TRH: variants seen among roughly 807,000 people sequenced by gnomAD.
TRH encodes the protein TSH-releasing factor.
In TRH, 5 loss-of-function variants were observed where a neutral mutation model predicts 5.2. That is an observed-to-expected ratio of 0.95 (90% CI 0.50 to 2.00). TRH has a LOEUF of 2.00. Among genes scored for constraint, TRH ranks in the 30% most tolerant of loss-of-function variants. The pLI, the probability that TRH is intolerant of heterozygous loss-of-function variation, is 0.01. For missense variants in TRH, 318 were observed against 312.8 expected, an observed-to-expected ratio of 1.02 and a Z score of -0.13; for synonymous variants, 131 against 128.6, an observed-to-expected ratio of 1.02 and a Z score of -0.13.
At position 129,975,794 on chromosome 3, in the gene TRH, T is replaced by C. The variant is rs965742867; in HGVS notation, c.-8-15T>C. ...TGATTCGGTGCGCTCAGGCTCCCTC[T>C]GTCCCCTAACCCAGACGCCGCGATG... On this transcript the variant is annotated splice_polypyrimidine_tract_variant and intron_variant, in intron 1 of 2. Transcript: ENST00000302649. The C allele has an allele frequency of 2.5e-6, 4 of 1,588,980 alleles. No individual in the cohort carries two copies. The highest frequency in any genetic ancestry group is 1.1e-5 in the South Asian group (1 of 87,692).
chr3:129,977,157 G>T lies in TRH; in HGVS notation c.670G>T (p.Glu224Ter). The T allele has an allele frequency of 6.6e-7, 1 of 1,517,154 alleles. No individual in the cohort carries two copies. Among genetic ancestry groups the T allele is most frequent in the Non-Finnish European group, 8.8e-7 (1 of 1,136,098 alleles). 94.0% of individuals were successfully genotyped at this position (1,517,154 alleles called of 1,614,324 possible). Residue 224 changes from glutamate (E) to a stop codon, truncating the protein, a stop_gained, in exon 3 of 3, where the codon GAA (glutamate) becomes TAA (stop). Transcript: ENST00000302649. LOFTEE classifies it high-confidence loss of function. Reference sequence around the variant, plus strand: ...CCTGAGTAGGAGCCAGGGAGCTGAGGAAAAGCGGCAGCACCCTGGTCGGCG... The same window carrying T: ...CCTGAGTAGGAGCCAGGGAGCTGAGTAAAAGCGGCAGCACCCTGGTCGGCG... ...DDLSRSQGAE[E>*]KRQHPGRRAA...
chr3:129,977,429 T>C lies in TRH; in HGVS notation c.*213T>C. 1.9e-6 allele frequency: 1 copy of C among 516,796 alleles called. No homozygotes were observed. Among genetic ancestry groups the C allele is most frequent in the South Asian group, 6.7e-5 (1 of 14,942 alleles). 32.0% of individuals were successfully genotyped at this position (516,796 alleles called of 1,614,324 possible). On this transcript the variant is annotated 3_prime_UTR_variant, in exon 3 of 3. Coordinates refer to ENST00000302649, the MANE Select transcript of TRH (RefSeq NM_007117.5). ...ATCAGCCTAGCAGTTTAAACCCCAC[T>C]TTCCTCCACTTAGCACCATAGGCAA...
At chr3:129,976,326 C>T (rs1049490232) in intron 2 of TRH, among the ~76,000 whole-genome samples, 3 of 152,270 alleles carry the variant, frequency 2.0e-5, no homozygotes, top group African/African-American at 7.2e-5. Context: ...TGTCTAGGCA[C>T]TTCTGTGCCA....
In TRH at chr3:129,977,696, TCTC is replaced by T. The variant is rs1488997369; in HGVS notation, c.*483_*485del. 1 of 153,448 alleles carries T rather than the reference TCTC, an allele frequency of 6.5e-6. No homozygotes were observed. The highest frequency in any genetic ancestry group is 1.9e-4 in the East Asian group (1 of 5,190). The allele number at this position is 153,448 out of a possible 1,614,324, so 9.5% of individuals were successfully genotyped here. ...ACTTCACCCCCAGGACCCAGGATCT[TCTC>T]CTTTCTGGGCATCCCTTTGTGGGTG... On this transcript the variant is annotated 3_prime_UTR_variant, in exon 3 of 3. Coordinates refer to ENST00000302649, the MANE Select transcript of TRH (RefSeq NM_007117.5).
At chr3:129,976,358 A>T (rs1012130856) in intron 2 of TRH, among the ~76,000 whole-genome samples, 4 of 152,226 alleles carry the variant, frequency 2.6e-5, no homozygotes, top group African/African-American at 9.6e-5. Flanking sequence ...AAGCACTTCA[A>T]ACACCTTATC....
Position 129,975,912 on chromosome 3 carries a change from G to A in TRH, c.96G>A (p.Glu32=). 1.2e-6 allele frequency: 2 copies of A among 1,613,490 alleles called. No individual in the cohort carries two copies. Among genetic ancestry groups the A allele is most frequent in the Non-Finnish European group, 1.7e-6 (2 of 1,179,876 alleles). Residue 32 remains glutamate, a synonymous_variant, in exon 2 of 3, where the codon GAG becomes GAA. Coordinates refer to ENST00000302649, the MANE Select transcript of TRH (RefSeq NM_007117.5). The part of the protein sequence containing the change: ...GRAQPEAAQQ[E]AVTAAEHPGL... ...CTCAGCCAGAGGCGGCCCAGCAGGA[G>A]GCAGTGACGGCCGCGGAGCATCCGG...
In TRH at chr3:129,975,805, C is replaced by G. The variant is rs367557750; in HGVS notation, c.-8-4C>G. 5 of 1,601,326 alleles carry G rather than the reference C, an allele frequency of 3.1e-6. No homozygotes were observed. The African/African-American group carries it at 6.7e-5, about 21-fold the overall frequency. ...GCTCAGGCTCCCTCTGTCCCCTAACCCAGACGCCGCGATGCCCGGCCCTTG... is the reference window on the plus strand; with the variant it reads ...GCTCAGGCTCCCTCTGTCCCCTAACGCAGACGCCGCGATGCCCGGCCCTTG... On this transcript the variant is annotated splice_region_variant and splice_polypyrimidine_tract_variant and intron_variant, in intron 1 of 2. Transcript: ENST00000302649.
intron 1 of TRH, among the ~76,000 whole-genome samples, chr3:129,975,148 C>T (rs1202462944): frequency 1.3e-5 from 2 of 152,102 alleles, no homozygotes; most frequent in South Asian, 2.1e-4. Flanking sequence ...GGCCTGAGAA[C>T]CTGGGAGTTC....
In TRH at chr3:129,975,869, G is replaced by C; in HGVS notation, c.53G>C (p.Gly18Ala). The C allele has an allele frequency of 6.2e-7, 1 of 1,612,740 alleles. No homozygotes were observed. Among genetic ancestry groups the C allele is most frequent in the Non-Finnish European group, 8.5e-7 (1 of 1,179,866 alleles). The change falls in exon 2 of 3, where the codon GGT becomes GCT. Residue 18 changes from glycine (G) to alanine (A), a missense_variant. Physicochemically the swap from Gly to Ala is moderately conservative, Grantham distance 60. Transcript: ENST00000302649. Reference sequence around the variant, plus strand: ...CTGGCTTTGACCCTGAACCTGACCGGTGTCCCCGGCGGCCGTGCTCAGCCA... The same window carrying C: ...CTGGCTTTGACCCTGAACCTGACCGCTGTCCCCGGCGGCCGTGCTCAGCCA... The part of the protein sequence containing the change: ...LALALTLNLT[G>A]VPGGRAQPEA...
intron 1 of TRH, among the ~76,000 whole-genome samples, chr3:129,975,223 C>A (rs751453521): frequency 3.0e-4 from 45 of 152,238 alleles, no homozygotes; most frequent in Non-Finnish European, 5.1e-4. Context: ...GCGTTAGAAT[C>A]AGATTCCTGG....
Position 129,976,917 on chromosome 3 carries a change from C to A in TRH, c.430C>A (p.Leu144Ile), listed in dbSNP as rs1429237096. The A allele has an allele frequency of 6.2e-7, 1 of 1,613,322 alleles. No individual in the cohort carries two copies. Among genetic ancestry groups the A allele is most frequent in the Non-Finnish European group, 8.5e-7 (1 of 1,179,832 alleles). Residue 144 changes from leucine to isoleucine, a missense_variant, in exon 3 of 3, where the codon CTT becomes ATT. Coordinates refer to ENST00000302649, the MANE Select transcript of TRH (RefSeq NM_007117.5). ...RQHPGRRSPW[L>I]AYAVPKRQHP... ...GCATCCTGGCCGGCGCTCCCCCTGG[C>A]TTGCATATGCTGTCCCGAAGCGGCA... is the stretch of plus-strand genomic sequence containing the variant.
At position 129,976,052 on chromosome 3, in the gene TRH, C is replaced by T. The variant is rs1277481408; in HGVS notation, c.211+25C>T. The T allele has an allele frequency of 1.9e-6, 3 of 1,609,110 alleles. No individual in the cohort carries two copies. The African/African-American group carries it at 4.0e-5, about 22-fold the overall frequency. On this transcript the variant is annotated intron_variant, in intron 2 of 2. Coordinates refer to ENST00000302649, the MANE Select transcript of TRH (RefSeq NM_007117.5). Reference sequence around the variant, plus strand: ...GGTGAGTGGATGGGGCTGTTGGGGGCTGTGGGGCTAGGCTATTGGGAGAGC... The same window carrying T: ...GGTGAGTGGATGGGGCTGTTGGGGGTTGTGGGGCTAGGCTATTGGGAGAGC...
At position 129,975,917 on chromosome 3, in the gene TRH, T is replaced by A. The variant is rs1458836923; in HGVS notation, c.101T>A (p.Val34Glu). Residue 34 changes from valine (V) to glutamate (E), a missense_variant, in exon 2 of 3, where the codon GTG becomes GAG. By Grantham distance (121) the Val-to-Glu change is moderately radical (BLOSUM62 -2). Coordinates refer to ENST00000302649, the MANE Select transcript of TRH (RefSeq NM_007117.5). ...CCAGAGGCGGCCCAGCAGGAGGCAG[T>A]GACGGCCGCGGAGCATCCGGGCCTG... Reference protein sequence around the residue: ...AQPEAAQQEAVTAAEHPGLDD... With the variant: ...AQPEAAQQEAETAAEHPGLDD... The A allele has an allele frequency of 6.2e-7, 1 of 1,613,328 alleles. No individual in the cohort carries two copies. The highest frequency in any genetic ancestry group is 2.2e-5 in the East Asian group (1 of 44,870).
rs1284960918 is a variant in TRH at position 129,976,754 on chromosome 3, AGAG to A, written c.279_281del (p.Glu95del). ...CCAAACGTCAGCATCCAGGCAAAAG[AGAG>A]GAGGAGGAGGAAGAGGGAGTTGAAG... On this transcript the variant is annotated inframe_deletion, in exon 3 of 3. Transcript: ENST00000302649. The A allele has an allele frequency of 4.3e-6, 7 of 1,613,684 alleles. No homozygotes were observed. Among genetic ancestry groups the A allele is most frequent in the Admixed American group, 1.7e-5 (1 of 59,954 alleles).
Position 129,976,056 on chromosome 3 carries a change from G to A in TRH, c.211+29G>A, listed in dbSNP as rs1280251635. 3.7e-6 allele frequency: 6 copies of A among 1,607,266 alleles called. No individual in the cohort carries two copies. The South Asian group carries it at 5.5e-5, about 15-fold the overall frequency. The stretch of plus-strand genomic sequence containing the variant: ...AGTGGATGGGGCTGTTGGGGGCTGT[G>A]GGGCTAGGCTATTGGGAGAGCCGTG... On this transcript the variant is annotated intron_variant, in intron 2 of 2. Transcript: ENST00000302649.
At chr3:129,976,158 G>A in intron 2 of TRH, 131 bp downstream of exon 2, 2 of 1,119,856 alleles carry the variant, frequency 1.8e-6, no homozygotes, top group Non-Finnish European at 1.3e-6. Flanking sequence ...ACCCTCCCTG[G>A]CTGCGCCTAG....
chr3:129,977,366 C>G lies in TRH; in HGVS notation c.*150C>G, dbSNP rs1023926523. On this transcript the variant is annotated 3_prime_UTR_variant, in exon 3 of 3. Coordinates refer to ENST00000302649, the MANE Select transcript of TRH (RefSeq NM_007117.5). ...AGCCCCATATTCACACACATCCCAG[C>G]CCCTGGCCTTGCCCTCTTCCTTTAG... is the stretch of plus-strand genomic sequence containing the variant. 2.8e-6 allele frequency: 3 copies of G among 1,073,946 alleles called. No individual in the cohort carries two copies. In the East Asian group the frequency reaches 8.3e-5, roughly 30 times the overall value. 66.5% of individuals were successfully genotyped at this position (1,073,946 alleles called of 1,614,324 possible). A position where few individuals can be genotyped will look rare whatever the true frequency, so the allele number is the denominator to read the frequency against.
Position 129,975,956 on chromosome 3 carries a change from G to A in TRH, c.140G>A (p.Arg47His), listed in dbSNP as rs1191206604. ...AEHPGLDDFL[R>H]QVERLLFLRE... Reference sequence around the variant, plus strand: ...CATCCGGGCCTGGATGACTTCCTGCGCCAGGTGGAGCGCCTCCTCTTCCTC... The same window carrying A: ...CATCCGGGCCTGGATGACTTCCTGCACCAGGTGGAGCGCCTCCTCTTCCTC... Residue 47 changes from arginine (R) to histidine (H), a missense_variant, in exon 2 of 3, where the codon CGC becomes CAC. Coordinates refer to ENST00000302649, the MANE Select transcript of TRH (RefSeq NM_007117.5). The A allele has an allele frequency of 2.5e-6, 4 of 1,613,964 alleles. No homozygotes were observed. Among genetic ancestry groups the A allele is most frequent in the African/African-American group, 2.7e-5 (2 of 74,950 alleles).
In TRH at chr3:129,975,954, G is replaced by T; in HGVS notation, c.138G>T (p.Leu46=). Residue 46 remains leucine, a synonymous_variant, in exon 2 of 3, where the codon CTG becomes CTT. Coordinates refer to ENST00000302649, the MANE Select transcript of TRH (RefSeq NM_007117.5). ...AAEHPGLDDF[L]RQVERLLFLR... The stretch of plus-strand genomic sequence containing the variant: ...AGCATCCGGGCCTGGATGACTTCCT[G>T]CGCCAGGTGGAGCGCCTCCTCTTCC... 1 of 1,614,106 alleles carries T rather than the reference G, an allele frequency of 6.2e-7. No individual in the cohort carries two copies. Among genetic ancestry groups the T allele is most frequent in the Non-Finnish European group, 8.5e-7 (1 of 1,179,994 alleles).
Sources: allele counts gnomAD v4.1 joint callset (sites outside exome capture counted in the v4.1 genomes callset), GRCh38; gene constraint gnomAD v4.1.1; transcripts MANE v1.5; gene names NCBI Gene and HGNC (gene_info 2026-07-23, HGNC 2026-07-21).